Variants in PPT1 observed in about 807,000 individuals in gnomAD.
PPT1 encodes the protein ceroid-palmitoyl-palmitoyl-protein thioesterase 1.
A neutral mutation model predicts 44.0 loss-of-function variants in PPT1; 24 were observed. The ratio of observed to expected loss-of-function variants is 0.54; its 90% CI spans 0.39 to 0.77. The LOEUF (loss-of-function observed/expected upper bound fraction) is 0.77. Among genes scored for constraint, PPT1 ranks in the 30% least tolerant of loss-of-function variants. The pLI is 0.00. For missense variants in PPT1, 341 were observed against 378.8 expected (o/e 0.90, Z 0.83); for synonymous variants, 148 against 140.2 (o/e 1.06, Z -0.39).
At chr1:40,083,069 A>T (rs887338730) in intron 5 of PPT1, among the ~76,000 whole-genome samples, 1 of 152,226 alleles carries the variant, frequency 6.6e-6, no homozygotes, top group African/African-American at 2.4e-5. Flanking sequence ...CCTGGATGAC[A>T]GCAGATCTGT....
chr1:40,092,094 AT>A lies in PPT1; in HGVS notation c.312del (p.Lys104AsnfsTer18). 1 of 1,614,136 alleles carries A rather than the reference AT, an allele frequency of 6.2e-7. No homozygotes were observed. Among genetic ancestry groups the A allele is most frequent in the Non-Finnish European group, 8.5e-7 (1 of 1,179,988 alleles). ...CCCATAGCATTGTAGCCTTGCTGCA[AT>A]TTAGGATCCTTAGCAAGTGCCTGAC... ...TVCQALAKDP[K>X]LQQGYNAMGF... On this transcript the variant is annotated frameshift_variant, in exon 3 of 9. Coordinates refer to ENST00000642050, the MANE Select transcript of PPT1 (RefSeq NM_000310.4). LOFTEE classifies it high-confidence loss of function.
chr1:40,092,453 T>C lies in PPT1; in HGVS notation c.179A>G (p.Lys60Arg). Residue 60 changes from lysine (K) to arginine (R), a missense_variant, in exon 2 of 9, where the codon AAG becomes AGG. Coordinates refer to ENST00000642050, the MANE Select transcript of PPT1 (RefSeq NM_000310.4). Reference sequence around the variant, plus strand: ...TAAGACGTAAATTCCAGGTATTTTCTTCTCCACCATTTTTTTAATAGCACC... The same window carrying C: ...TAAGACGTAAATTCCAGGTATTTTCCTCTCCACCATTTTTTTAATAGCACC... Reference protein sequence around the residue: ...SMGAIKKMVEKKIPGIYVLSL... With the variant: ...SMGAIKKMVERKIPGIYVLSL... The C allele has an allele frequency of 6.2e-7, 1 of 1,614,072 alleles. No homozygotes were observed. The highest frequency in any genetic ancestry group is 8.5e-7 in the Non-Finnish European group (1 of 1,179,898).
At chr1:40,092,837 C>T (rs1409705022) in intron 1 of PPT1, among the ~76,000 whole-genome samples, 1 of 152,036 alleles carries the variant, frequency 6.6e-6, no homozygotes, top group Non-Finnish European at 1.5e-5. Context: ...TTCACACAGA[C>T]TAGGATGTCT....
Position 40,073,818 on chromosome 1 carries a change from C to A in PPT1, c.*243G>T. ...TCCCTTTTCTAAAACTGAACTTGAC[C>A]ACATCAAAAGTTTGTAAAACAATCT... On this transcript the variant is annotated 3_prime_UTR_variant, in exon 9 of 9. Transcript: ENST00000642050. The A allele has an allele frequency of 2.2e-5, 12 of 555,076 alleles. No homozygotes were observed. In the South Asian group the frequency reaches 2.3e-4, roughly 11 times the overall value. 34.4% of individuals were successfully genotyped at this position (555,076 alleles called of 1,614,324 possible). A position where few individuals can be genotyped will look rare whatever the true frequency, so the allele number is the denominator to read the frequency against.
In PPT1 at chr1:40,074,086, G is replaced by A. The variant is rs768943497; in HGVS notation, c.896C>T (p.Ala299Val). ...TCATCCAAGGAATGGTATGATGTGGGCATAAAACCATTCTTCAGACAACTG... is the reference window on the plus strand; with the variant it reads ...TCATCCAAGGAATGGTATGATGTGGACATAAAACCATTCTTCAGACAACTG... ...HLQLSEEWFY[A>V]HIIPFLG The change falls in exon 9 of 9, where the codon GCC becomes GTC. Residue 299 changes from alanine to valine, a missense_variant. By Grantham distance (64) the Ala-to-Val change is moderately conservative. Coordinates refer to ENST00000642050, the MANE Select transcript of PPT1 (RefSeq NM_000310.4). 1.1e-5 allele frequency: 18 copies of A among 1,613,988 alleles called. No homozygotes were observed. The South Asian group carries it at 1.5e-4, about 14-fold the overall frequency.
chr1:40,079,399 T>C (rs965250780), intron 6 of PPT1, among the ~76,000 whole-genome samples: 2 of 138,308 alleles, frequency 1.4e-5, no homozygotes, highest in African/African-American at 5.4e-5. Context: ...TTCCTTTTTT[T>C]TTTTTTTTTT....
chr1:40,092,989 G>A (rs1024459092), intron 1 of PPT1, among the ~76,000 whole-genome samples: 2 of 152,088 alleles, frequency 1.3e-5, no homozygotes, highest in South Asian at 2.1e-4. Flanking sequence ...TTAAACATAC[G>A]ATTACTAAAT....
intron 8 of PPT1, 104 bp downstream of exon 8, chr1:40,076,738 C>G (rs1161830382): frequency 6.2e-7 from 1 of 1,601,534 alleles, no homozygotes; most frequent in African/African-American, 1.3e-5. Context: ...ACCTAGTGCT[C>G]TGAGGTGTAA....
At chr1:40,096,910 T>G (rs1285734790) in intron 1 of PPT1, 11 of 889,474 alleles carry the variant, frequency 1.2e-5, no homozygotes, top group Middle Eastern at 2.5e-4. Context: ...GCTCTCTCTT[T>G]CCTTCCCCTT....
At chr1:40,078,788 T>G (rs1362615042) in intron 6 of PPT1, 130 bp from the exon 7 acceptor site, 1 of 779,252 alleles carries the variant, frequency 1.3e-6, no homozygotes, top group Non-Finnish European at 2.3e-6. Flanking sequence ...TGGGCTGTTT[T>G]CCAGCTTCCT....
intron 2 of PPT1, 89 bp from the exon 3 acceptor site, chr1:40,092,261 A>T: frequency 6.3e-7 from 1 of 1,580,592 alleles, no homozygotes; most frequent in Non-Finnish European, 8.7e-7. Context: ...TTAGGTTGGT[A>T]TCCTCACATG....
chr1:40,091,589 C>A (rs1297400766), intron 3 of PPT1, among the ~76,000 whole-genome samples, 190 bp from the exon 4 acceptor site: 1 of 152,200 alleles, frequency 6.6e-6, no homozygotes, highest in Non-Finnish European at 1.5e-5. Context: ...TCCAGCCAGG[C>A]ATGGTGGCTC....
chr1:40,090,994 AGAG>A (rs1174267773), intron 4 of PPT1, among the ~76,000 whole-genome samples: 1 of 152,254 alleles, frequency 6.6e-6, no homozygotes, highest in Admixed American at 6.5e-5. Context: ...CCTAAATTCA[AGAG>A]GATACCACCA....
At chr1:40,079,395 T>TTG in intron 6 of PPT1, among the ~76,000 whole-genome samples, 1 of 133,084 alleles carries the variant, frequency 7.5e-6, no homozygotes, top group Non-Finnish European at 1.6e-5. Flanking sequence ...TCTTTTCCTT[T>TTG]TTTTTTTTTT....
At position 40,073,910 on chromosome 1, in the gene PPT1, T is replaced by C; in HGVS notation, c.*151A>G. 1 of 1,051,496 alleles carries C rather than the reference T, an allele frequency of 9.5e-7. No individual in the cohort carries two copies. The highest frequency in any genetic ancestry group is 1.4e-6 in the Non-Finnish European group (1 of 694,302). 65.1% of individuals were successfully genotyped at this position (1,051,496 alleles called of 1,614,324 possible). On this transcript the variant is annotated 3_prime_UTR_variant, in exon 9 of 9. Transcript: ENST00000642050. ...AAGATGGCAAAGGATAAGATTCAGA[T>C]CTTAGATCTTTCCAAGTAGGGCATG...
intron 5 of PPT1, 43 bp downstream of exon 5, chr1:40,089,367 A>T: frequency 6.7e-7 from 1 of 1,492,880 alleles, no homozygotes; most frequent in Non-Finnish European, 9.3e-7. Flanking sequence ...TGATATTTTC[A>T]CACGGTGACA....
intron 5 of PPT1, among the ~76,000 whole-genome samples, chr1:40,083,215 A>G (rs1649068858): frequency 6.6e-6 from 1 of 152,216 alleles, no homozygotes; most frequent in Non-Finnish European, 1.5e-5. Flanking sequence ...TGGGAGGCCA[A>G]GGTAGGAGGA....
downstream of PPT1, chr1:40,071,717 C>T: frequency 3.5e-6 from 2 of 575,894 alleles, no homozygotes; most frequent in East Asian, 2.8e-5. Flanking sequence ...GATAGCAGGT[C>T]AGTTGATCTT....
chr1:40,078,726 C>T, intron 6 of PPT1, 68 bp from the exon 7 acceptor site: 21 of 1,348,420 alleles, frequency 1.6e-5, no homozygotes, highest in Non-Finnish European at 2.1e-5. Flanking sequence ...TAAAGCCTTC[C>T]TGTTTTCTGG....
Sources: allele counts gnomAD v4.1 joint callset (sites outside exome capture counted in the v4.1 genomes callset), GRCh38; gene constraint gnomAD v4.1.1; transcripts MANE v1.5; gene names NCBI Gene and HGNC (gene_info 2026-07-23, HGNC 2026-07-21).